The following EMSY variants were observed in gnomAD, a reference collection of about 807,000 sequenced individuals.
The protein encoded by EMSY is BRCA2-interacting transcriptional repressor EMSY.
A neutral mutation model predicts 134.6 loss-of-function variants in EMSY; 26 were observed. The ratio of observed to expected loss-of-function variants is 0.19; its 90% CI spans 0.14 to 0.27. EMSY has a LOEUF of 0.27. Among genes scored for constraint, EMSY ranks in the 10% least tolerant of loss-of-function variants. EMSY has a pLI of 1.00. For synonymous variants in EMSY, 579 were observed against 577.8 expected (o/e 1.00, Z -0.03); for missense variants, 1,305 against 1,611.4 (o/e 0.81, Z 3.26).
chr11:76,524,915 G>A (rs949080307), intron 12 of EMSY, among the ~76,000 whole-genome samples: 1 of 152,200 alleles, frequency 6.6e-6, no homozygotes, highest in African/African-American at 2.4e-5. Flanking sequence ...CTACTTGGGA[G>A]GCTGAGGTGG....
rs970344240 is a variant in EMSY at position 76,532,862 on chromosome 11, G to A, written c.2195-3033G>A. ...AAGTTTCATGATCTCAGTACGTCAA[G>A]GTGAGGGTGGGGAATAAATCCAGGT... On this transcript the variant is annotated intron_variant, in intron 14 of 20. Coordinates refer to ENST00000334736, the Ensembl canonical transcript of EMSY. 3.3e-5 allele frequency among the ~76,000 whole-genome samples: 5 copies of A among 152,138 alleles called. No homozygotes were observed. The South Asian group carries it at 1.0e-3, about 32-fold the overall frequency.
At chr11:76,471,565 C>T (rs1229245995) in intron 7 of EMSY, among the ~76,000 whole-genome samples, 1 of 152,024 alleles carries the variant, frequency 6.6e-6, no homozygotes, top group African/African-American at 2.4e-5. Context: ...CTCAGACTTT[C>T]CTTTTTTTTG....
At chr11:76,491,532 T>G (rs1442896284) in intron 8 of EMSY, among the ~76,000 whole-genome samples, 1 of 152,164 alleles carries the variant, frequency 6.6e-6, no homozygotes, top group Non-Finnish European at 1.5e-5. Context: ...TGGATGCCTA[T>G]CTCAACCTGG....
intron 7 of EMSY, among the ~76,000 whole-genome samples, chr11:76,471,950 A>G (rs1278259064): frequency 6.6e-6 from 1 of 152,066 alleles, no homozygotes; most frequent in Non-Finnish European, 1.5e-5. Context: ...TCATATCCCT[A>G]CTTCCTTCTG....
At chr11:76,484,832 G>A (rs1949116748) in intron 8 of EMSY, among the ~76,000 whole-genome samples, 2 of 151,982 alleles carry the variant, frequency 1.3e-5, no homozygotes, top group Non-Finnish European at 2.9e-5. Flanking sequence ...TACTCGGGAG[G>A]CTGAGGCAGG....
intron 9 of EMSY, 116 bp from the exon 11 acceptor site, chr11:76,513,270 A>C (rs757958733): frequency 2.7e-5 from 24 of 883,792 alleles, no homozygotes; most frequent in Non-Finnish European, 3.5e-5. Context: ...TATTAAAAAA[A>C]ACTTCTCTTT....
intron 11 of EMSY, among the ~76,000 whole-genome samples, chr11:76,518,678 T>C (rs75430970): frequency 0.15 from 19,258 of 130,604 alleles, 1,691 homozygotes; most frequent in East Asian, 0.31. Flanking sequence ...AGTGTGTGTG[T>C]GCGCGCATAT....
intron 8 of EMSY, among the ~76,000 whole-genome samples, chr11:76,476,581 T>G (rs912154853): frequency 2.6e-5 from 4 of 152,230 alleles, no homozygotes; most frequent in African/African-American, 9.6e-5. Flanking sequence ...ATTTTTGATG[T>G]CTATCAATAT....
At chr11:76,449,657 T>C (rs576641786) in intron 2 of EMSY, among the ~76,000 whole-genome samples, 1 of 152,312 alleles carries the variant, frequency 6.6e-6, no homozygotes, top group East Asian at 1.9e-4. Context: ...AATCAATCAA[T>C]TACTGAGTCC....
intron 8 of EMSY, among the ~76,000 whole-genome samples, chr11:76,477,383 C>A (rs955887814): frequency 6.6e-6 from 1 of 151,238 alleles, no homozygotes; most frequent in Non-Finnish European, 1.5e-5. Flanking sequence ...ATCAAATCCA[C>A]AAAATCAGGT....
rs1555049320 is a variant in EMSY, at chr11:76,477,276, T to TTG, written c.1108+4437_1108+4438insGT. Among the ~76,000 whole-genome samples, 743 of 151,148 alleles carry TTG rather than the reference T, an allele frequency of 4.9e-3. 4 individuals carry two copies. The highest frequency in any genetic ancestry group is 0.017 in the African/African-American group (705 of 41,450). On this transcript the variant is annotated intron_variant, in intron 8 of 20. Transcript: ENST00000334736. ...TATAGGTTAATTTATTTCTGTTTTT[T>TTG]TTTTTGTTTTTGTTTTTTGTTTTTT... is the stretch of plus-strand genomic sequence containing the variant.
chr11:76,468,368 C>G (rs1313061246), intron 7 of EMSY, among the ~76,000 whole-genome samples: 1 of 152,162 alleles, frequency 6.6e-6, no homozygotes, highest in Non-Finnish European at 1.5e-5. Context: ...AAGACTCATT[C>G]ATTCCACAAA....
exon 11 of EMSY, chr11:76,516,193 T>A: frequency 6.2e-7 from 1 of 1,614,024 alleles, no homozygotes; most frequent in Non-Finnish European, 8.5e-7. Context: ...ATTGGTCGGA[T>A]GGCTGCAACC....
At chr11:76,499,637 A>G (rs1213670753) in intron 9 of EMSY, among the ~76,000 whole-genome samples, 1 of 152,028 alleles carries the variant, frequency 6.6e-6, no homozygotes, top group East Asian at 1.9e-4. Flanking sequence ...ATTTAAGGTA[A>G]TTGTTGATAT....
chr11:76,487,259 G>A (rs955708164), intron 8 of EMSY, among the ~76,000 whole-genome samples: 2 of 152,210 alleles, frequency 1.3e-5, no homozygotes, highest in Admixed American at 1.3e-4. Flanking sequence ...CAGCCTGGGC[G>A]ACAGAGTCTC....
At chr11:76,476,189 AT>A (rs1172101332) in intron 8 of EMSY, among the ~76,000 whole-genome samples, 1 of 152,202 alleles carries the variant, frequency 6.6e-6, no homozygotes, top group Non-Finnish European at 1.5e-5. Flanking sequence ...GTTTTTGGAA[AT>A]AGGAAGAATG....
intron 9 of EMSY, among the ~76,000 whole-genome samples, chr11:76,499,327 G>A (rs538532014): frequency 4.4e-4 from 48 of 108,566 alleles, no homozygotes; most frequent in Non-Finnish European, 5.4e-4. Context: ...TTGCTGTGTC[G>A]CCCAGGCTGG....
chr11:76,481,245 A>G (rs1328986491), intron 8 of EMSY, among the ~76,000 whole-genome samples: 4 of 151,980 alleles, frequency 2.6e-5, no homozygotes, highest in Non-Finnish European at 5.9e-5. Flanking sequence ...GGGTTTCATC[A>G]TGTTAGCCAG....
intron 6 of EMSY, 67 bp from the exon 8 acceptor site, chr11:76,463,754 T>TA: frequency 6.5e-7 from 1 of 1,531,698 alleles, no homozygotes; most frequent in Non-Finnish European, 8.9e-7. Context: ...ATAAAGATTT[T>TA]AAAAATAAAG....
Sources: gnomAD v4.1 joint callset for allele counts (sites outside exome capture counted in the v4.1 genomes callset) on GRCh38, gnomAD v4.1.1 for gene constraint, MANE v1.5 for transcripts, NCBI Gene and HGNC (gene_info 2026-07-23, HGNC 2026-07-21) for gene names.